Variants in STPG2 observed in about 807,000 individuals in gnomAD.
STPG2 encodes sperm-tail PG-rich repeat-containing protein 2.
STPG2 carries 56 observed loss-of-function variants against 54.2 expected under a neutral mutation model. The observed-to-expected ratio is 1.03, with a 90% CI of 0.83 to 1.29. STPG2 has a LOEUF of 1.29. Ranked by LOEUF, STPG2 falls within the 50% of genes most tolerant of loss-of-function variation. The pLI, the probability that STPG2 is intolerant of heterozygous loss-of-function variation, is 0.00. For synonymous variants in STPG2, 200 were observed against 181.8 expected (o/e 1.10, Z -0.81); for missense variants, 596 against 544.9 (o/e 1.09, Z -0.93).
intron 10 of STPG2, among the ~76,000 whole-genome samples, chr4:97,678,473 AAAAAG>A (rs1410641605): frequency 3.9e-5 from 6 of 152,158 alleles, no homozygotes; most frequent in African/African-American, 1.4e-4. Context: ...TACTGATTAT[AAAAAG>A]AAAAGTATTA....
intron 8 of STPG2, among the ~76,000 whole-genome samples, chr4:97,870,399 A>G (rs1432393877): frequency 6.6e-6 from 1 of 151,574 alleles, no homozygotes; most frequent in Non-Finnish European, 1.5e-5. Context: ...TAAAATACAT[A>G]CAATTATATG....
Position 98,143,162 on chromosome 4 carries a change from T to TGGTG in STPG2, c.-16_-13dup, listed in dbSNP as rs1259942835. ...GCCCGATCATACATAGTGCTCGGGG[T>TGGTG]GGTGGGGGCGCTGGGGAAGGGCAGG... On this transcript the variant is annotated 5_prime_UTR_variant, in exon 1 of 11. Transcript: ENST00000295268. The TGGTG allele has an allele frequency of 2.0e-5, 32 of 1,606,140 alleles. No homozygotes were observed. The highest frequency in any genetic ancestry group is 2.3e-5 in the Non-Finnish European group (27 of 1,174,842).
intron 9 of STPG2, among the ~76,000 whole-genome samples, chr4:97,773,507 T>C (rs552328879): frequency 6.6e-6 from 1 of 152,142 alleles, no homozygotes; most frequent in African/African-American, 2.4e-5. Flanking sequence ...AGCTGGAATC[T>C]CACTATATTG....
intron 9 of STPG2, among the ~76,000 whole-genome samples, chr4:97,725,095 C>T (rs907053353): frequency 9.2e-5 from 14 of 151,964 alleles, no homozygotes; most frequent in African/African-American, 1.9e-4. Context: ...CTTGCTATTA[C>T]GAGAAAAGAG....
At chr4:98,111,220 T>C (rs1394483280) in intron 3 of STPG2, among the ~76,000 whole-genome samples, 1 of 151,974 alleles carries the variant, frequency 6.6e-6, no homozygotes, top group African/African-American at 2.4e-5. Context: ...CCTCATTACA[T>C]TTGAAAAGAG....
In STPG2 at chr4:97,833,306, G is replaced by C. The variant is rs1362833298; in HGVS notation, c.1204+7467C>G. Reference sequence around the variant, plus strand: ...TTTGGGAAAACTGGCTAGCCATATGGAGAAAACTGAAACTGGATATCTTCC... The same window carrying C: ...TTTGGGAAAACTGGCTAGCCATATGCAGAAAACTGAAACTGGATATCTTCC... On this transcript the variant is annotated intron_variant, in intron 9 of 10. Transcript: ENST00000295268. Among the ~76,000 whole-genome samples, 7 of 152,058 alleles carry C rather than the reference G, an allele frequency of 4.6e-5. No homozygotes were observed. In the East Asian group the frequency reaches 1.3e-3, roughly 29 times the overall value.
intron 4 of STPG2, among the ~76,000 whole-genome samples, chr4:97,444,163 CAT>C (rs908901857): frequency 2.2e-4 from 34 of 152,130 alleles, no homozygotes; most frequent in East Asian, 3.9e-4. Flanking sequence ...ATACAAGACA[CAT>C]GAGACACAAT....
intron 7 of STPG2, among the ~76,000 whole-genome samples, chr4:97,952,802 C>A (rs1416253039): frequency 6.6e-6 from 1 of 152,182 alleles, no homozygotes; most frequent in African/African-American, 2.4e-5. Context: ...CTCTGGTTAG[C>A]CAGGTTGGTA....
chr4:97,537,444 T>C (rs1052633600), intron 4 of STPG2, among the ~76,000 whole-genome samples: 7 of 152,172 alleles, frequency 4.6e-5, no homozygotes, highest in Non-Finnish European at 7.4e-5. Flanking sequence ...GCCTCCCTTG[T>C]TGCTAGCACA....
At chr4:97,884,691 AG>A (rs199793630) in intron 8 of STPG2, among the ~76,000 whole-genome samples, 1,891 of 152,282 alleles carry the variant, frequency 0.012, 18 homozygotes, top group Non-Finnish European at 0.02. Context: ...CATTGGGTAA[AG>A]AAAAAAAGAA....
chr4:98,025,578 C>G (rs1736388737), intron 5 of STPG2: 2 of 735,446 alleles, frequency 2.7e-6, no homozygotes, highest in Non-Finnish European at 5.0e-6. Flanking sequence ...TGTCAGATTG[C>G]TTATGCCCAT....
chr4:97,626,859 A>C (rs2148929119), intron 10 of STPG2, among the ~76,000 whole-genome samples: 1 of 152,250 alleles, frequency 6.6e-6, no homozygotes. Context: ...ACTGGGATAT[A>C]GAAATGCAAT....
intron 9 of STPG2, among the ~76,000 whole-genome samples, chr4:97,768,801 G>A (rs942887416): frequency 6.6e-6 from 1 of 151,454 alleles, no homozygotes; most frequent in East Asian, 1.9e-4. Flanking sequence ...TCCCGAGTTC[G>A]AGCAATTCCC....
At chr4:97,777,245 T>C (rs1726405881) in intron 9 of STPG2, among the ~76,000 whole-genome samples, 1 of 152,242 alleles carries the variant, frequency 6.6e-6, no homozygotes, top group African/African-American at 2.4e-5. Flanking sequence ...TTATAGCTTA[T>C]ACTTAAATTG....
At chr4:97,917,787 T>A (rs933306369) in intron 8 of STPG2, among the ~76,000 whole-genome samples, 4 of 152,024 alleles carry the variant, frequency 2.6e-5, no homozygotes, top group African/African-American at 2.4e-5. Context: ...TCTGGACACT[T>A]TTTTTTAGAC....
At chr4:98,132,756 G>T (rs1047555814) in intron 2 of STPG2, among the ~76,000 whole-genome samples, 11 of 151,870 alleles carry the variant, frequency 7.2e-5, no homozygotes, top group African/African-American at 2.4e-4. Flanking sequence ...TAGTAAAAGG[G>T]GATAGTAAGA....
chr4:97,493,397 T>C (rs1173983684), intron 4 of STPG2, among the ~76,000 whole-genome samples: 1 of 151,404 alleles, frequency 6.6e-6, no homozygotes, highest in Non-Finnish European at 1.5e-5. Flanking sequence ...CCCGCTGTAA[T>C]AGAAACCTAA....
chr4:97,831,285 C>A (rs914058364), intron 9 of STPG2, among the ~76,000 whole-genome samples: 1 of 151,900 alleles, frequency 6.6e-6, no homozygotes, highest in African/African-American at 2.4e-5. Flanking sequence ...GGGTAAATAA[C>A]GAAATGAAGG....
intron 10 of STPG2, among the ~76,000 whole-genome samples, chr4:97,611,165 G>A (rs1293036171): frequency 6.6e-6 from 1 of 151,828 alleles, no homozygotes; most frequent in African/African-American, 2.4e-5. Context: ...AACAGATAAA[G>A]TACAAACTTA....
Sources: allele counts gnomAD v4.1 joint callset (sites outside exome capture counted in the v4.1 genomes callset), GRCh38; gene constraint gnomAD v4.1.1; transcripts MANE v1.5; gene names NCBI Gene and HGNC (gene_info 2026-07-23, HGNC 2026-07-21).